HPD: variants seen among roughly 807,000 people sequenced by gnomAD.
The protein encoded by HPD is 4-hydroxyphenylpyruvate dioxygenase, also known as 4-hydroxyphenylpyruvic acid oxidase.
HPD carries 35 observed loss-of-function variants against 56.9 expected under a neutral mutation model. The ratio of observed to expected loss-of-function variants is 0.62; its 90% CI spans 0.47 to 0.82. HPD has a LOEUF of 0.82. Ranked by LOEUF, HPD falls within the 40% of genes least tolerant of loss-of-function variation. The probability of loss-of-function intolerance (pLI) is 0.00; values close to 1 mark genes in which losing one functional copy is unlikely to be tolerated. For missense variants in HPD, 442 were observed against 506.8 expected (o/e 0.87, Z 1.23); for synonymous variants, 186 against 200.2 (o/e 0.93, Z 0.60).
chr12:121,848,998 C>A lies in HPD; in HGVS notation c.596+1G>T, dbSNP rs956518500. On this transcript the variant is annotated splice_donor_variant, in intron 9 of 13. Coordinates refer to ENST00000289004, the MANE Select transcript of HPD (RefSeq NM_002150.3). LOFTEE classifies it high-confidence loss of function. ...GCAGAGGGAGAGGGCCAAGGTCTCA[C>A]CATTCGGAGGCGGACACCATCTCCT... The A allele has an allele frequency of 1.9e-6, 3 of 1,612,302 alleles. No homozygotes were observed. Among genetic ancestry groups the A allele is most frequent in the Non-Finnish European group, 2.5e-6 (3 of 1,178,548 alleles).
the HPD span, among the ~76,000 whole-genome samples, chr12:121,877,812 G>T: frequency 6.6e-6 from 1 of 152,128 alleles, no homozygotes; most frequent in Non-Finnish European, 1.5e-5. Flanking sequence ...TGCCAACGAG[G>T]GCAGTAACTT....
At chr12:121,862,340 C>T (rs1302656492), upstream of HPD, among the ~76,000 whole-genome samples, 2 of 151,910 alleles carry the variant, frequency 1.3e-5, no homozygotes, top group African/African-American at 2.4e-5. Context: ...TCTTGCTGCC[C>T]AGGCTGGAGT....
upstream of HPD, among the ~76,000 whole-genome samples, chr12:121,859,717 A>T (rs1172447182): frequency 6.6e-6 from 1 of 152,068 alleles, no homozygotes; most frequent in Admixed American, 6.6e-5. Flanking sequence ...GTTGGATCTC[A>T]TTGCACCAGT....
the HPD span, chr12:121,874,241 TG>T: frequency 6.6e-6 from 1 of 152,158 alleles, no homozygotes; most frequent in East Asian, 1.9e-4. Context: ...CCAAATAACT[TG>T]TTCTTTGTGG....
chr12:121,843,325 C>T (rs186773229), intron 12 of HPD, among the ~76,000 whole-genome samples: 9 of 152,330 alleles, frequency 5.9e-5, no homozygotes, highest in East Asian at 1.9e-4. Flanking sequence ...GTTCCTCAGA[C>T]GCTCAGGGCA....
Position 121,857,438 on chromosome 12 carries a change from T to C in HPD, c.94-6A>G. 2 of 1,598,650 alleles carry C rather than the reference T, an allele frequency of 1.3e-6. No homozygotes were observed. The highest frequency in any genetic ancestry group is 1.7e-6 in the Non-Finnish European group (2 of 1,165,912). ...CTGCAGTAGAATGACGTGGCCTGAA[T>C]CACAGGGTTGCAGCAGGGTTCATGA... On this transcript the variant is annotated splice_region_variant and splice_polypyrimidine_tract_variant and intron_variant, in intron 3 of 13. Coordinates refer to ENST00000289004, the MANE Select transcript of HPD (RefSeq NM_002150.3).
At chr12:121,877,730 C>A in the HPD span, among the ~76,000 whole-genome samples, 2 of 151,940 alleles carry the variant, frequency 1.3e-5, no homozygotes, top group Non-Finnish European at 2.9e-5. Context: ...GAGACTCTGT[C>A]TCAAAATAAT....
the HPD span, among the ~76,000 whole-genome samples, chr12:121,869,692 T>C: frequency 1.3e-5 from 2 of 151,044 alleles, no homozygotes; most frequent in Non-Finnish European, 2.9e-5. Context: ...GCCCAACTAA[T>C]TTTTGTGTTT....
chr12:121,874,321 A>G, the HPD span: 1 of 152,144 alleles, frequency 6.6e-6, no homozygotes, highest in Non-Finnish European at 1.5e-5. Context: ...ATCCAAACAT[A>G]AAACCAGTTC....
At chr12:121,857,078 G>T (rs575423627) in intron 4 of HPD, 16 of 528,062 alleles carry the variant, frequency 3.0e-5, no homozygotes, top group African/African-American at 2.9e-4. Flanking sequence ...GTTTTTTGTT[G>T]TTTTTTGTTT....
chr12:121,845,362 C>G (rs962741536), intron 11 of HPD, among the ~76,000 whole-genome samples: 3 of 149,202 alleles, frequency 2.0e-5, no homozygotes, highest in African/African-American at 7.7e-5. Flanking sequence ...TTTGGGAGGC[C>G]AAGGTGGGCA....
chr12:121,850,865 A>AT (rs767930845), intron 7 of HPD, among the ~76,000 whole-genome samples: 208 of 133,052 alleles, frequency 1.6e-3, no homozygotes, highest in Middle Eastern at 4.2e-3. Flanking sequence ...CACCTGGCTA[A>AT]TTTTTTTTTT....
intron 6 of HPD, among the ~76,000 whole-genome samples, chr12:121,855,218 T>C (rs1877949736): frequency 6.6e-6 from 1 of 152,200 alleles, no homozygotes; most frequent in African/African-American, 2.4e-5. Flanking sequence ...TCTAACCTCG[T>C]TCATCCTCAC....
At chr12:121,888,176 G>A in the HPD span, among the ~76,000 whole-genome samples, 1 of 152,110 alleles carries the variant, frequency 6.6e-6, no homozygotes, top group Admixed American at 6.6e-5. Flanking sequence ...GATTTTTAGA[G>A]GCCTTAACAG....
upstream of HPD, among the ~76,000 whole-genome samples, chr12:121,867,088 C>T (rs1454458127): frequency 4.6e-5 from 7 of 152,122 alleles, no homozygotes; most frequent in Admixed American, 3.3e-4. Flanking sequence ...TGGTGGCTCA[C>T]GCCTGTAATC....
the HPD span, among the ~76,000 whole-genome samples, chr12:121,875,331 A>G: frequency 2.6e-5 from 4 of 152,140 alleles, no homozygotes; most frequent in South Asian, 2.1e-4. Flanking sequence ...TCAACAAAAC[A>G]GTAACCTTGG....
At chr12:121,854,062 A>C (rs1877906669) in intron 7 of HPD, among the ~76,000 whole-genome samples, 1 of 152,236 alleles carries the variant, frequency 6.6e-6, no homozygotes, top group Admixed American at 6.5e-5. Flanking sequence ...ATCCTGGCTA[A>C]CACGGTGAAA....
chr12:121,859,077 C>A (rs1020864705), upstream of HPD: 2 of 566,052 alleles, frequency 3.5e-6, no homozygotes, highest in African/African-American at 3.8e-5. Flanking sequence ...GAGTCAGGGC[C>A]AGAAGCCAAG....
chr12:121,870,603 T>TG, the HPD span, among the ~76,000 whole-genome samples: 1 of 150,848 alleles, frequency 6.6e-6, no homozygotes, highest in African/African-American at 2.4e-5. Context: ...AGGTTTTTTT[T>TG]TTTTTTTTTT....
Sources: allele counts gnomAD v4.1 joint callset (sites outside exome capture counted in the v4.1 genomes callset), GRCh38; gene constraint gnomAD v4.1.1; transcripts MANE v1.5; gene names NCBI Gene and HGNC (gene_info 2026-07-23, HGNC 2026-07-21).